Variants in PTPRF observed in about 807,000 individuals in gnomAD.
The protein encoded by PTPRF is protein tyrosine phosphatase receptor type F.
Under a neutral mutation model 201.8 loss-of-function variants are expected in PTPRF, and 59 were observed. That is an observed-to-expected ratio of 0.29 (90% CI 0.24 to 0.36). PTPRF has a LOEUF of 0.36. Among genes scored for constraint, PTPRF ranks in the 10% least tolerant of loss-of-function variants. The pLI is 1.00. For missense variants in PTPRF, 2,132 were observed against 2,690.5 expected (o/e 0.79, Z 4.59); for synonymous variants, 1,088 against 1,089.7 (o/e 1.00, Z 0.03).
chr1:43,600,100 C>G (rs999994986), intron 13 of PTPRF, among the ~76,000 whole-genome samples: 1 of 152,226 alleles, frequency 6.6e-6, no homozygotes, highest in African/African-American at 2.4e-5. Context: ...GCTCTCTTCC[C>G]CCTCTCAGCC....
chr1:43,523,081 T>C (rs1570802510), upstream of PTPRF, among the ~76,000 whole-genome samples: 1 of 151,920 alleles, frequency 6.6e-6, no homozygotes, highest in Admixed American at 6.6e-5. Flanking sequence ...ATTAGAGAGG[T>C]GCTCTGGAGG....
chr1:43,561,122 G>A (rs534314271), intron 5 of PTPRF, among the ~76,000 whole-genome samples: 39 of 152,204 alleles, frequency 2.6e-4, no homozygotes, highest in African/African-American at 9.1e-4. Context: ...AGGACCTCTT[G>A]ATATACCCCC....
chr1:43,602,465 G>A (rs1264406498), intron 14 of PTPRF, among the ~76,000 whole-genome samples: 10 of 152,164 alleles, frequency 6.6e-5, no homozygotes, highest in South Asian at 2.1e-4. Flanking sequence ...CTGGAGAGTC[G>A]GATTCTGGCA....
chr1:43,605,812 C>T (rs1654960903), intron 19 of PTPRF, among the ~76,000 whole-genome samples, 190 bp downstream of exon 19: 1 of 152,224 alleles, frequency 6.6e-6, no homozygotes, highest in Non-Finnish European at 1.5e-5. Context: ...TCACAGAACT[C>T]CCGGAGGGCT....
chr1:43,574,370 T>G (rs1234635676), intron 6 of PTPRF, among the ~76,000 whole-genome samples: 1 of 152,186 alleles, frequency 6.6e-6, no homozygotes, highest in Non-Finnish European at 1.5e-5. Flanking sequence ...TATTTATTAA[T>G]GCATTTTAAA....
intron 5 of PTPRF, among the ~76,000 whole-genome samples, chr1:43,567,113 C>T (rs1444029852): frequency 1.3e-5 from 2 of 152,136 alleles, no homozygotes; most frequent in Non-Finnish European, 1.5e-5. Flanking sequence ...GCCATGGCCA[C>T]GTCTTCCCCA....
chr1:43,560,919 T>C (rs986857282), intron 5 of PTPRF, among the ~76,000 whole-genome samples: 9 of 152,066 alleles, frequency 5.9e-5, no homozygotes, highest in African/African-American at 2.2e-4. Flanking sequence ...ACCTATGCCA[T>C]GCGGGCCAGG....
chr1:43,574,357 A>C (rs1008834960), intron 6 of PTPRF, among the ~76,000 whole-genome samples: 2 of 152,118 alleles, frequency 1.3e-5, no homozygotes, highest in African/African-American at 4.8e-5. Context: ...GATTATTTTA[A>C]AATATTTATT....
chr1:43,597,312 C>T (rs939267196), intron 11 of PTPRF, among the ~76,000 whole-genome samples: 4 of 151,224 alleles, frequency 2.6e-5, no homozygotes, highest in Non-Finnish European at 5.9e-5. Flanking sequence ...TATGTGGAGA[C>T]TATGTGTGAG....
chr1:43,577,821 TTGTC>T (rs1483774648), intron 6 of PTPRF, among the ~76,000 whole-genome samples: 1 of 152,140 alleles, frequency 6.6e-6, no homozygotes, highest in African/African-American at 2.4e-5. Context: ...GTGGGTGTAA[TTGTC>T]TGTTGGATTG....
intron 22 of PTPRF, among the ~76,000 whole-genome samples, chr1:43,610,478 TG>T (rs1656175803): frequency 1.3e-5 from 2 of 152,272 alleles, no homozygotes; most frequent in African/African-American, 4.8e-5. Flanking sequence ...CCAGAAAGTC[TG>T]GGCCCTCAGC....
rs754670245 is a variant in PTPRF, at chr1:43,591,797, T to C, written c.1532-15T>C. 6 of 1,612,616 alleles carry C rather than the reference T, an allele frequency of 3.7e-6. No individual in the cohort carries two copies. Among genetic ancestry groups the C allele is most frequent in the Non-Finnish European group, 2.5e-6 (3 of 1,179,784 alleles). ...ACGCAGATGAGGCTGACCTGCCTGG[T>C]GTGGGGTGTTGCAGTGCCTGCCCAG... On this transcript the variant is annotated splice_polypyrimidine_tract_variant and intron_variant, in intron 9 of 33. Coordinates refer to ENST00000359947, the MANE Select transcript of PTPRF (RefSeq NM_002840.5).
At position 43,605,490 on chromosome 1, in the gene PTPRF, C is replaced by A. The variant is rs370647896; in HGVS notation, c.3390-39C>A. The A allele has an allele frequency of 3.7e-6, 6 of 1,612,620 alleles. No homozygotes were observed. The South Asian group carries it at 6.6e-5, about 18-fold the overall frequency. On this transcript the variant is annotated intron_variant, in intron 18 of 33. Transcript: ENST00000359947. ...GGAGGCGGGGCAGGGCTGGAGGTAA[C>A]CAGCAGTGACAGTCCTGATTCCTGC...
At position 43,620,823 on chromosome 1, in the gene PTPRF, A is replaced by G; in HGVS notation, c.5365-15A>G. The stretch of plus-strand genomic sequence containing the variant: ...GGCACGAATTCTAATCATGTACCCC[A>G]CCCACCTTTCCCAGGATGGGCAGTC... On this transcript the variant is annotated splice_polypyrimidine_tract_variant and intron_variant, in intron 31 of 33. Coordinates refer to ENST00000359947, the MANE Select transcript of PTPRF (RefSeq NM_002840.5). The G allele has an allele frequency of 6.2e-7, 1 of 1,605,702 alleles. No individual in the cohort carries two copies. Among genetic ancestry groups the G allele is most frequent in the Non-Finnish European group, 8.5e-7 (1 of 1,175,388 alleles).
At chr1:43,560,941 T>C (rs1645764768) in intron 5 of PTPRF, among the ~76,000 whole-genome samples, 1 of 152,076 alleles carries the variant, frequency 6.6e-6, no homozygotes, top group Non-Finnish European at 1.5e-5. Context: ...AATCCAGGTG[T>C]CTCGATGGAG....
chr1:43,594,394 A>G (rs1285435404), intron 11 of PTPRF, among the ~76,000 whole-genome samples: 1 of 149,372 alleles, frequency 6.7e-6, no homozygotes, highest in Non-Finnish European at 1.5e-5. Context: ...TGCAAGGCAC[A>G]TGGTTATGGT....
intron 6 of PTPRF, among the ~76,000 whole-genome samples, chr1:43,576,650 C>G (rs1051968346): frequency 1.3e-5 from 2 of 152,256 alleles, no homozygotes; most frequent in Non-Finnish European, 2.9e-5. Context: ...TTCAGAAACT[C>G]AGTTCATCTC....
At position 43,553,434 on chromosome 1, in the gene PTPRF, C is replaced by T. The variant is rs971640406; in HGVS notation, c.92-58C>T. On this transcript the variant is annotated intron_variant, in intron 3 of 33. Coordinates refer to ENST00000359947, the MANE Select transcript of PTPRF (RefSeq NM_002840.5). This position sits in a 1 kb window ranked among gnomAD's most constrained non-coding sequence, Gnocchi z 4.1. ...CTGCCCCCATGACTGCCACCTTCCT[C>T]ACTGGCCATTCCTATAGTGACTGTG... 1 of 1,543,156 alleles carries T rather than the reference C, an allele frequency of 6.5e-7. No homozygotes were observed. The highest frequency in any genetic ancestry group is 2.3e-5 in the East Asian group (1 of 44,252).
intron 7 of PTPRF, 69 bp downstream of exon 7, chr1:43,578,989 C>A: frequency 6.9e-7 from 1 of 1,451,736 alleles, no homozygotes; most frequent in Non-Finnish European, 9.7e-7. Context: ...GCTCTCTGCC[C>A]AGAGCCCTTG....
Sources: allele counts gnomAD v4.1 joint callset (sites outside exome capture counted in the v4.1 genomes callset), GRCh38; gene constraint gnomAD v4.1.1; non-coding constraint Gnocchi (gnomAD v3.1); transcripts MANE v1.5; gene names NCBI Gene and HGNC (gene_info 2026-07-23, HGNC 2026-07-21).